The following FRMPD4 variants were observed in gnomAD, a reference collection of about 807,000 sequenced individuals.
FRMPD4 encodes FERM and PDZ domain containing 4, also known as FERM and PDZ domain-containing protein 4.
Under a neutral mutation model 94.1 loss-of-function variants are expected in FRMPD4, and 22 were observed. The observed-to-expected ratio is 0.23, with a 90% confidence interval of 0.17 to 0.33. The LOEUF is 0.33. Among genes scored for constraint, FRMPD4 ranks in the 10% least tolerant of loss-of-function variants. The pLI, the probability that FRMPD4 is intolerant of heterozygous loss-of-function variation, is 1.00. For synonymous variants in FRMPD4, 631 were observed against 548.6 expected (o/e 1.15, Z -2.10); for missense variants, 1,111 against 1,339.9 (o/e 0.83, Z 2.67).
chrX:11,849,891 C>T (rs372302152), intron 1 of FRMPD4, among the ~76,000 whole-genome samples: 1 of 110,811 alleles, frequency 9.0e-6, no homozygotes, highest in East Asian at 2.8e-4. Flanking sequence ...GAATATGACA[C>T]CAAAAGCATA....
intron 2 of FRMPD4, among the ~76,000 whole-genome samples, chrX:12,605,559 A>G (rs1688248092): frequency 9.0e-6 from 1 of 111,328 alleles, no homozygotes; most frequent in South Asian, 3.8e-4. Flanking sequence ...AGAACAAAAG[A>G]CAAAGTCTTT....
chrX:12,135,108 C>A (rs758010339), upstream of FRMPD4, among the ~76,000 whole-genome samples: 1 of 111,823 alleles, frequency 8.9e-6, no homozygotes, highest in South Asian at 3.8e-4. Flanking sequence ...CTAAGTAAAG[C>A]AAATTAAGTA....
chrX:12,675,086 C>A (rs1208304119), intron 5 of FRMPD4, among the ~76,000 whole-genome samples, 178 bp downstream of exon 5: 2 of 112,115 alleles, frequency 1.8e-5, no homozygotes, highest in Admixed American at 1.9e-4. Context: ...CAAAGTCATT[C>A]ATTGAAGAGA....
At position 12,481,756 on chromosome X, in the gene FRMPD4, A is replaced by C. The variant is rs887439668; in HGVS notation, c.42-16924A>C. 2.8e-5 allele frequency among the ~76,000 whole-genome samples: 3 copies of C among 106,626 alleles called. No individual in the cohort carries two copies. The Admixed American group carries it at 3.0e-4, about 11-fold the overall frequency. 92.6% of individuals were successfully genotyped at this position (106,626 alleles called of 115,157 possible). A position where few individuals can be genotyped will look rare whatever the true frequency, so the allele number is the denominator to read the frequency against. On this transcript the variant is annotated intron_variant, in intron 1 of 16. Coordinates refer to ENST00000675598, the MANE Select transcript of FRMPD4 (RefSeq NM_001368397.1). ...GGAGCTCGAGACCATCCTGGCTAAC[A>C]TGGTGAAACCCCGTCTCTACTAAAA...
intron 1 of FRMPD4, among the ~76,000 whole-genome samples, chrX:12,314,878 G>C (rs2055090259): frequency 8.9e-6 from 1 of 111,736 alleles, no homozygotes. Flanking sequence ...CTAGAGAAAA[G>C]TTTATAAATA....
intron 3 of FRMPD4, among the ~76,000 whole-genome samples, chrX:12,055,881 C>T (rs2054851275): frequency 9.0e-6 from 1 of 111,555 alleles, no homozygotes; most frequent in Non-Finnish European, 1.9e-5. Context: ...AAATGAGACA[C>T]TTAAAACGAT....
chrX:11,963,499 C>T (rs756025614), intron 3 of FRMPD4, among the ~76,000 whole-genome samples: 7 of 112,139 alleles, frequency 6.2e-5, no homozygotes, highest in South Asian at 3.7e-4. Flanking sequence ...AGTTTGTTTG[C>T]CAAGAGGTCT....
intron 1 of FRMPD4, among the ~76,000 whole-genome samples, chrX:12,262,394 A>G (rs2054202988): frequency 9.0e-6 from 1 of 111,597 alleles, no homozygotes; most frequent in Non-Finnish European, 1.9e-5. Context: ...ATGGGCATGA[A>G]CCACCATGTA....
intron 3 of FRMPD4, among the ~76,000 whole-genome samples, chrX:12,110,225 T>C (rs1241190213): frequency 1.8e-5 from 2 of 112,142 alleles, no homozygotes; most frequent in Non-Finnish European, 3.8e-5. Flanking sequence ...TCCACCATGA[T>C]CAAGTGGGCT....
chrX:11,987,097 T>TGAAAAAAAA (rs1569137639), intron 3 of FRMPD4, among the ~76,000 whole-genome samples: 1 of 14,642 alleles, frequency 6.8e-5, no homozygotes, highest in Non-Finnish European at 1.1e-4. Context: ...CAAAGACACA[T>TGAAAAAAAA]TAAAAAAAAA....
At chrX:12,209,980 G>A (rs1015672434) in intron 1 of FRMPD4, among the ~76,000 whole-genome samples, 3 of 111,403 alleles carry the variant, frequency 2.7e-5, no homozygotes, top group South Asian at 3.8e-4. Flanking sequence ...AGCCATTGCC[G>A]TTTTTCATAG....
intron 1 of FRMPD4, among the ~76,000 whole-genome samples, chrX:12,308,270 G>A (rs2054975203): frequency 8.9e-6 from 1 of 111,987 alleles, no homozygotes; most frequent in African/African-American, 3.3e-5. Flanking sequence ...CAAGGTCATT[G>A]CAGAGCTTAC....
intron 2 of FRMPD4, among the ~76,000 whole-genome samples, chrX:12,508,231 C>T (rs1448900176): frequency 1.8e-5 from 2 of 111,135 alleles, no homozygotes; most frequent in African/African-American, 6.5e-5. Context: ...TCCTTTCTCT[C>T]ACCATTCTCC....
intron 1 of FRMPD4, among the ~76,000 whole-genome samples, chrX:12,141,535 G>T (rs193235454): frequency 9.1e-6 from 1 of 110,144 alleles, no homozygotes; most frequent in African/African-American, 3.3e-5. Flanking sequence ...CCTTTTAATC[G>T]TGGGAAAAAT....
At chrX:12,125,980 C>A in intron 3 of FRMPD4, among the ~76,000 whole-genome samples, 1 of 112,089 alleles carries the variant, frequency 8.9e-6, no homozygotes, top group Non-Finnish European at 1.9e-5. Context: ...CAACAAGATC[C>A]ACTCAGTTAA....
chrX:12,505,072 G>A (rs754957619), intron 2 of FRMPD4, among the ~76,000 whole-genome samples: 24 of 111,877 alleles, frequency 2.1e-4, no homozygotes, highest in African/African-American at 7.5e-4. Context: ...GGGATGTACA[G>A]GAGGTGGGTC....
intron 1 of FRMPD4, among the ~76,000 whole-genome samples, chrX:12,310,477 A>G (rs1421501221): frequency 8.9e-6 from 1 of 112,123 alleles, no homozygotes; most frequent in East Asian, 2.8e-4. Context: ...GGCCTGACAG[A>G]AACCATTAAA....
chrX:12,504,491 A>G lies in FRMPD4; in HGVS notation c.158+5695A>G, dbSNP rs777060664. ...ATTTTGGAATGGGGGAAACGAAGTC[A>G]ATATGATAGTATCATTACATGAAAT... On this transcript the variant is annotated intron_variant, in intron 2 of 16. Coordinates refer to ENST00000675598, the MANE Select transcript of FRMPD4 (RefSeq NM_001368397.1). 8.0e-5 allele frequency among the ~76,000 whole-genome samples: 9 copies of G among 112,895 alleles called. No individual in the cohort carries two copies. In the East Asian group the frequency reaches 2.5e-3, roughly 31 times the overall value.
chrX:12,718,352 C>T lies in FRMPD4; in HGVS notation c.3526C>T (p.His1176Tyr). ...GGACGCTGACTCGTCCACCTGCGAC[C>T]ATCCTTCCAAGCTTCCTGAGGCTGA... ...PEDADSSTCD[H>Y]PSKLPEADES... Residue 1176 changes from histidine to tyrosine, a missense_variant, in exon 16 of 17, where the codon CAT (histidine) becomes TAT (tyrosine). By Grantham distance (83) the His-to-Tyr change is moderately conservative (BLOSUM62 2). This residue lies in a region of FRMPD4 where 551 missense variants were observed against 591.6 expected (regional missense o/e 0.93). Coordinates refer to ENST00000675598, the MANE Select transcript of FRMPD4 (RefSeq NM_001368397.1). The T allele has an allele frequency of 8.3e-7, 1 of 1,211,901 alleles. No homozygotes were observed.
Sources: gnomAD v4.1 joint callset for allele counts (sites outside exome capture counted in the v4.1 genomes callset) on GRCh38, gnomAD v4.1.1 for gene constraint, gnomAD v4.1.1 regional missense constraint, MANE v1.5 for transcripts, NCBI Gene and HGNC (gene_info 2026-07-23, HGNC 2026-07-21) for gene names.